The following CFI variants were observed in gnomAD, a reference collection of about 807,000 sequenced individuals.
CFI encodes the protein C3B/C4B inactivator.
Under a neutral mutation model 78.8 loss-of-function variants are expected in CFI, and 66 were observed. That is an observed-to-expected ratio of 0.84 (90% confidence interval 0.69 to 1.03). The LOEUF (loss-of-function observed/expected upper bound fraction) is 1.03. Among genes scored for constraint, CFI ranks in the 50% least tolerant of loss-of-function variants. The pLI is 0.00. For missense variants in CFI, 706 were observed against 704.5 expected (o/e 1.00, Z -0.02); for synonymous variants, 250 against 232.6 (o/e 1.07, Z -0.68).
chr4:109,756,973 G>GAAAGAAAGAAAA (rs1726378074), intron 7 of CFI, among the ~76,000 whole-genome samples: 1 of 138,684 alleles, frequency 7.2e-6, no homozygotes, highest in Non-Finnish European at 1.6e-5. Context: ...AAGAAAGAAA[G>GAAAGAAAGAAAA]AAAGAAATTC....
chr4:109,754,052 C>T (rs905991279), intron 7 of CFI, among the ~76,000 whole-genome samples: 10 of 151,132 alleles, frequency 6.6e-5, no homozygotes, highest in South Asian at 2.1e-4. Context: ...GGCACGATCT[C>T]GGCTCACTGC....
intron 1 of CFI, among the ~76,000 whole-genome samples, chr4:109,778,866 A>G (rs1424560853): frequency 6.6e-6 from 1 of 152,202 alleles, no homozygotes; most frequent in East Asian, 1.9e-4. Flanking sequence ...TATAAACAGA[A>G]CCAAAGACAA....
intron 1 of CFI, among the ~76,000 whole-genome samples, chr4:109,769,876 G>C (rs1728341635): frequency 6.6e-6 from 1 of 152,108 alleles, no homozygotes; most frequent in Non-Finnish European, 1.5e-5. Context: ...CTGCCACCAG[G>C]CACCTCCAGC....
chr4:109,751,380 T>A (rs1366586290), intron 8 of CFI, among the ~76,000 whole-genome samples: 1 of 149,266 alleles, frequency 6.7e-6, no homozygotes, highest in Non-Finnish European at 1.5e-5. Context: ...TGAGTAAAAA[T>A]AAAGGGCCAT....
intron 1 of CFI, among the ~76,000 whole-genome samples, chr4:109,771,961 T>G (rs1728659564): frequency 6.6e-6 from 1 of 151,994 alleles, no homozygotes; most frequent in African/African-American, 2.4e-5. Flanking sequence ...GAGGAGGGGA[T>G]AGGAGAAGCA....
the CFI span, among the ~76,000 whole-genome samples, chr4:109,733,059 C>G: frequency 6.6e-6 from 1 of 151,802 alleles, no homozygotes; most frequent in African/African-American, 2.4e-5. Context: ...GCAACCTCCG[C>G]CTCCCAGGTT....
At chr4:109,751,388 C>A (rs1015584140) in intron 8 of CFI, among the ~76,000 whole-genome samples, 11 of 150,818 alleles carry the variant, frequency 7.3e-5, no homozygotes, top group Admixed American at 2.0e-4. Context: ...AATAAAGGGC[C>A]ATTGTTGAAA....
chr4:109,776,503 A>G (rs1027629908), intron 1 of CFI, among the ~76,000 whole-genome samples: 3 of 152,260 alleles, frequency 2.0e-5, no homozygotes, highest in African/African-American at 7.2e-5. Context: ...TGATTGATGT[A>G]CCTGAAAGTG....
intron 8 of CFI, 74 bp downstream of exon 8, chr4:109,752,394 T>C (rs935546363): frequency 1.5e-6 from 2 of 1,299,526 alleles, no homozygotes; most frequent in Non-Finnish European, 2.2e-6. Context: ...GAATCAATTA[T>C]ATATATGCAA....
intron 3 of CFI, among the ~76,000 whole-genome samples, chr4:109,763,239 T>C (rs28654134): frequency 0.013 from 1,973 of 152,218 alleles, 29 homozygotes; most frequent in African/African-American, 0.045. Flanking sequence ...ATTAGAAACT[T>C]GATGGGTTAA....
chr4:109,765,108 G>A (rs1173852846), intron 2 of CFI, among the ~76,000 whole-genome samples: 1 of 152,174 alleles, frequency 6.6e-6, no homozygotes, highest in Non-Finnish European at 1.5e-5. Flanking sequence ...TGTATTTAAG[G>A]CATTTAATGC....
chr4:109,741,011 C>T lies in CFI; in HGVS notation c.1634G>A (p.Ser545Asn). ...NNVTYVWGVV[S>N]WGENCGKPEF... Reference sequence around the variant, plus strand: ...TGGTTTTCCACAGTTTTCCCCCCAACTCACAACACCCCAGACATAAGTCAC... The same window carrying T: ...TGGTTTTCCACAGTTTTCCCCCCAATTCACAACACCCCAGACATAAGTCAC... Residue 545 changes from serine to asparagine, a missense_variant, in exon 13 of 13, where the codon AGT becomes AAT. By Grantham distance (46) the Ser-to-Asn change is conservative (BLOSUM62 1). Transcript: ENST00000394634. 6.2e-7 allele frequency: 1 copy of T among 1,614,208 alleles called. No individual in the cohort carries two copies. The highest frequency in any genetic ancestry group is 8.5e-7 in the Non-Finnish European group (1 of 1,180,020).
At chr4:109,758,818 C>T (rs1323236813) in intron 6 of CFI, among the ~76,000 whole-genome samples, 1 of 152,166 alleles carries the variant, frequency 6.6e-6, no homozygotes, top group Non-Finnish European at 1.5e-5. Context: ...TAAGGCCGGG[C>T]ACAGTGGCTC....
intron 7 of CFI, among the ~76,000 whole-genome samples, chr4:109,756,975 A>AAGAG (rs775927396): frequency 7.0e-6 from 1 of 143,630 alleles, no homozygotes; most frequent in African/African-American, 2.6e-5. Flanking sequence ...GAAAGAAAGA[A>AAGAG]AGAAATTCTG....
At position 109,749,598 on chromosome 4, in the gene CFI, TC is replaced by T; in HGVS notation, c.944del (p.Arg315LysfsTer4). On this transcript the variant is annotated frameshift_variant, in exon 9 of 13. Coordinates refer to ENST00000394634, the MANE Select transcript of CFI (RefSeq NM_000204.5). LOFTEE classifies it high-confidence loss of function. ...TAGGTAATAATGATTTTATCCGTCT[TC>T]TTTCTTCAAGAAAGGAAGAGATTAC... ...EILTADMDAE[R>X]RRIKSLLPKL... is the part of the protein sequence containing the mutation. The T allele has an allele frequency of 6.3e-7, 1 of 1,584,172 alleles. No homozygotes were observed. Among genetic ancestry groups the T allele is most frequent in the East Asian group, 2.2e-5 (1 of 44,736 alleles).
chr4:109,745,273 C>T (rs1724273449), intron 11 of CFI, among the ~76,000 whole-genome samples: 7 of 152,150 alleles, frequency 4.6e-5, no homozygotes, highest in Admixed American at 4.6e-4. Flanking sequence ...ACCTCAACCT[C>T]CCGGGCTCAA....
intron 8 of CFI, 43 bp downstream of exon 8, chr4:109,752,425 T>C (rs1458238152): frequency 6.3e-7 from 1 of 1,595,574 alleles, no homozygotes; most frequent in African/African-American, 1.3e-5. Flanking sequence ...AATTACAGCC[T>C]AAACCAGTGA....
intron 7 of CFI, among the ~76,000 whole-genome samples, chr4:109,754,424 A>AAG (rs1290578101): frequency 1.5e-4 from 22 of 146,482 alleles, no homozygotes; most frequent in Non-Finnish European, 2.6e-4. Flanking sequence ...AAAAAAAAAA[A>AAG]AAGAATCTTC....
At chr4:109,772,141 G>A (rs956928075) in intron 1 of CFI, among the ~76,000 whole-genome samples, 7 of 152,204 alleles carry the variant, frequency 4.6e-5, no homozygotes, top group Non-Finnish European at 8.8e-5. Context: ...ATTAATCAAC[G>A]GAGAGACAGA....
Sources: gnomAD v4.1 joint callset for allele counts (sites outside exome capture counted in the v4.1 genomes callset) on GRCh38, gnomAD v4.1.1 for gene constraint, MANE v1.5 for transcripts, NCBI Gene and HGNC (gene_info 2026-07-23, HGNC 2026-07-21) for gene names.